KAT14: variants seen among roughly 807,000 people sequenced by gnomAD.
KAT14 encodes lysine acetyltransferase 14, also known as cysteine-rich protein 2-binding protein.
KAT14 carries 66 observed loss-of-function variants against 78.4 expected under a neutral mutation model. The ratio of observed to expected loss-of-function variants is 0.84; its 90% CI spans 0.69 to 1.03. The LOEUF is 1.03. Among genes scored for constraint, KAT14 ranks in the 50% least tolerant of loss-of-function variants. The pLI, the probability that KAT14 is intolerant of heterozygous loss-of-function variation, is 0.00. For missense variants in KAT14, 870 were observed against 972.5 expected, an observed-to-expected ratio of 0.89 and a Z score of 1.40; for synonymous variants, 344 against 359.4, an observed-to-expected ratio of 0.96 and a Z score of 0.48.
At chr20:18,168,962 G>A (rs759180488) in intron 7 of KAT14, among the ~76,000 whole-genome samples, 3 of 150,910 alleles carry the variant, frequency 2.0e-5, no homozygotes, top group Non-Finnish European at 3.0e-5. Context: ...GTAGTTTTCC[G>A]CAGTTCTCGG....
intron 9 of KAT14, 99 bp downstream of exon 9, chr20:18,183,397 T>G: frequency 7.1e-7 from 1 of 1,409,414 alleles, no homozygotes; most frequent in Non-Finnish European, 9.3e-7. Flanking sequence ...GATTTTTATT[T>G]ATGATTTCGT....
At chr20:18,180,926 A>G (rs564913914) in intron 7 of KAT14, among the ~76,000 whole-genome samples, 3 of 152,348 alleles carry the variant, frequency 2.0e-5, no homozygotes, top group South Asian at 2.1e-4. Flanking sequence ...GCCAAACCAT[A>G]TCAGAGATGT....
rs1205193 is a variant in KAT14, at chr20:18,162,473, T to G, written c.1196T>G (p.Val399Gly). ...GSVASGPVVG[V>G]RKKVRGPEQI... Reference sequence around the variant, plus strand: ...GTAGCTTCTGGGCCAGTGGTTGGGGTCAGAAAGAAGGTCAGAGGCCCTGAA... The same window carrying G: ...GTAGCTTCTGGGCCAGTGGTTGGGGGCAGAAAGAAGGTCAGAGGCCCTGAA... The change falls in exon 7 of 11, where the codon GTC becomes GGC. Residue 399 changes from valine to glycine, a missense_variant. Val to Gly is a moderately radical substitution (Grantham distance 109, BLOSUM62 -3). Transcript: ENST00000688188. 1,581,415 of 1,614,088 alleles carry G rather than the reference T, an allele frequency of 0.98. 774,757 individuals carry two copies. The highest frequency in any genetic ancestry group is 1 in the East Asian group (44,865 of 44,866).
chr20:18,159,385 TTTA>T, intron 5 of KAT14, 120 bp downstream of exon 5: 1 of 1,129,686 alleles, frequency 8.9e-7, no homozygotes. Flanking sequence ...AGCTACTCTG[TTTA>T]ACACTTCTGT....
intron 4 of KAT14, among the ~76,000 whole-genome samples, chr20:18,158,070 G>T (rs1381583711): frequency 6.6e-6 from 1 of 152,104 alleles, no homozygotes; most frequent in African/African-American, 2.4e-5. Context: ...CCGAGTAGCT[G>T]GGATTACAGG....
Position 18,162,535 on chromosome 20 carries a change from C to T in KAT14, c.1258C>T (p.Pro420Ser), listed in dbSNP as rs1339447549. The change falls in exon 7 of 11, where the codon CCC becomes TCC. Residue 420 changes from proline (P) to serine (S), a missense_variant. By Grantham distance (74) the Pro-to-Ser change is moderately conservative (BLOSUM62 -1). Transcript: ENST00000688188. ...KQEVESEEEKPDRMDIDSEDT... is the reference protein window; with the variant it reads ...KQEVESEEEKSDRMDIDSEDT... ...GGAGGTAGAGAGTGAGGAGGAAAAA[C>T]CCGACAGGATGGATATTGACAGTGA... is the stretch of plus-strand genomic sequence containing the variant. 1.9e-6 allele frequency: 3 copies of T among 1,614,092 alleles called. No homozygotes were observed. Among genetic ancestry groups the T allele is most frequent in the South Asian group, 1.1e-5 (1 of 91,074 alleles).
chr20:18,140,974 C>T (rs1331495398), intron 1 of KAT14, among the ~76,000 whole-genome samples: 7 of 148,522 alleles, frequency 4.7e-5, no homozygotes, highest in African/African-American at 2.5e-5. Flanking sequence ...CCTATCACCT[C>T]AGCCTCCGGA....
intron 7 of KAT14, among the ~76,000 whole-genome samples, chr20:18,166,882 G>A (rs143230881): frequency 2.0e-5 from 3 of 152,334 alleles, no homozygotes; most frequent in Non-Finnish European, 4.4e-5. Flanking sequence ...ACATTGTCTA[G>A]GTGAGACCTC....
intron 3 of KAT14, among the ~76,000 whole-genome samples, chr20:18,148,658 G>A (rs1468020304): frequency 6.7e-6 from 1 of 150,036 alleles, no homozygotes; most frequent in Non-Finnish European, 1.5e-5. Context: ...TGCCCAGGCT[G>A]GAGTGCAATG....
At chr20:18,141,051 T>TTTTTTTTTG (rs58888387) in intron 1 of KAT14, among the ~76,000 whole-genome samples, 18 of 109,700 alleles carry the variant, frequency 1.6e-4, no homozygotes, top group South Asian at 6.5e-4. Flanking sequence ...TTTTTTATTT[T>TTTTTTTTTG]TATTTTTGCT....
At chr20:18,146,372 A>AAT (rs1490183095) in intron 3 of KAT14, among the ~76,000 whole-genome samples, 1 of 152,010 alleles carries the variant, frequency 6.6e-6, no homozygotes, top group African/African-American at 2.4e-5. Flanking sequence ...GACTCTATAA[A>AAT]AAACAGGCCA....
At chr20:18,169,017 T>C (rs1418010248) in intron 7 of KAT14, among the ~76,000 whole-genome samples, 1 of 152,198 alleles carries the variant, frequency 6.6e-6, no homozygotes, top group Non-Finnish European at 1.5e-5. Context: ...GTCTTTGCTT[T>C]TCAGTTTTGG....
intron 4 of KAT14, among the ~76,000 whole-genome samples, chr20:18,157,431 C>T (rs1438642916): frequency 6.6e-6 from 1 of 152,048 alleles, no homozygotes; most frequent in Non-Finnish European, 1.5e-5. Context: ...CTATGTTGCC[C>T]AGACTTCTGT....
chr20:18,170,832 C>T (rs1203423111), intron 7 of KAT14, among the ~76,000 whole-genome samples: 4 of 152,288 alleles, frequency 2.6e-5, no homozygotes, highest in East Asian at 1.9e-4. Context: ...CCACCGTGCC[C>T]GGCCTGAAAA....
intron 3 of KAT14, among the ~76,000 whole-genome samples, chr20:18,145,851 C>G (rs918283756): frequency 6.6e-6 from 1 of 151,822 alleles, no homozygotes; most frequent in Admixed American, 6.6e-5. Context: ...CTCATGATTT[C>G]TTTTATATGT....
At position 18,162,883 on chromosome 20, in the gene KAT14, C is replaced by T. The variant is rs745641889; in HGVS notation, c.1606C>T (p.Pro536Ser). ...GAKEGGISRL[P>S]AGQATYRTTC... ...CAAAGAAGGAGGAATTTCCAGACTT[C>T]CAGCTGGACAAGCCACGTACAGAAC... The change falls in exon 7 of 11, where the codon CCA becomes TCA. Residue 536 changes from proline to serine, a missense_variant. Physicochemically the swap from Pro to Ser is moderately conservative, Grantham distance 74. Coordinates refer to ENST00000688188, the MANE Select transcript of KAT14 (RefSeq NM_001392073.1). 4 of 1,614,066 alleles carry T rather than the reference C, an allele frequency of 2.5e-6. No individual in the cohort carries two copies. Among genetic ancestry groups the T allele is most frequent in the Non-Finnish European group, 3.4e-6 (4 of 1,180,034 alleles).
intron 5 of KAT14, among the ~76,000 whole-genome samples, chr20:18,161,019 C>G (rs2038399623): frequency 6.6e-6 from 1 of 151,860 alleles, no homozygotes; most frequent in Non-Finnish European, 1.5e-5. Context: ...TACAAAAATA[C>G]AAAAATCAGC....
chr20:18,183,067 A>T (rs1758611470), intron 8 of KAT14, 56 bp from the exon 9 acceptor site: 1 of 1,557,284 alleles, frequency 6.4e-7, no homozygotes, highest in African/African-American at 1.4e-5. Context: ...AAAAGCTAGG[A>T]ATAATACCAG....
chr20:18,186,138 T>C (rs1419580192), intron 10 of KAT14, among the ~76,000 whole-genome samples: 2 of 152,116 alleles, frequency 1.3e-5, no homozygotes, highest in African/African-American at 2.4e-5. Flanking sequence ...GTGTCCTTGG[T>C]GCCCAACATG....
Sources: gnomAD v4.1 joint callset for allele counts (sites outside exome capture counted in the v4.1 genomes callset) on GRCh38, gnomAD v4.1.1 for gene constraint, MANE v1.5 for transcripts, NCBI Gene and HGNC (gene_info 2026-07-23, HGNC 2026-07-21) for gene names.